The following NKAIN2 variants were observed in gnomAD, a reference collection of about 807,000 sequenced individuals.
NKAIN2 encodes the protein sodium/potassium-transporting ATPase subunit beta-1-interacting protein 2.
NKAIN2 carries 14 observed loss-of-function variants against 32.6 expected under a neutral mutation model. The observed-to-expected ratio is 0.43, with a 90% confidence interval of 0.28 to 0.67. The LOEUF is 0.67. NKAIN2 is among the 30% of genes least tolerant of loss of function. NKAIN2 has a pLI of 0.17. For missense variants in NKAIN2, 198 were observed against 258.3 expected, an observed-to-expected ratio of 0.77 and a Z score of 1.60; for synonymous variants, 80 against 87.2, an observed-to-expected ratio of 0.92 and a Z score of 0.46.
Position 123,864,695 on chromosome 6 carries a change from G to A in NKAIN2, c.54+60441G>A, listed in dbSNP as rs1163346357. Among the ~76,000 whole-genome samples, 5 of 152,240 alleles carry A rather than the reference G, an allele frequency of 3.3e-5. No individual in the cohort carries two copies. The East Asian group carries it at 9.7e-4, about 29-fold the overall frequency. ...GGGCAGAGGGAACAATAAATGCAAA[G>A]CCCTGAGGTAGAAGTGAGCTTGGCT... On this transcript the variant is annotated intron_variant, in intron 1 of 6. Transcript: ENST00000368417.
intron 5 of NKAIN2, among the ~76,000 whole-genome samples, chr6:124,814,159 C>T (rs1781038454): frequency 6.6e-6 from 1 of 152,154 alleles, no homozygotes; most frequent in South Asian, 2.1e-4. Flanking sequence ...TGAGAAGAAT[C>T]AAGTCTCTCT....
chr6:124,243,620 C>T (rs1793228792), intron 1 of NKAIN2, among the ~76,000 whole-genome samples: 1 of 152,046 alleles, frequency 6.6e-6, no homozygotes, highest in African/African-American at 2.4e-5. Flanking sequence ...TTGTTGGTAA[C>T]TATGGCCTTC....
At chr6:124,417,382 G>A (rs1420568673) in intron 3 of NKAIN2, among the ~76,000 whole-genome samples, 2 of 152,128 alleles carry the variant, frequency 1.3e-5, no homozygotes, top group African/African-American at 4.8e-5. Context: ...AAGAATAAGT[G>A]TAGTTGAAGA....
chr6:124,437,530 TTTCTCTCCTGC>T (rs1775501963), intron 3 of NKAIN2, among the ~76,000 whole-genome samples: 1 of 152,184 alleles, frequency 6.6e-6, no homozygotes, highest in African/African-American at 2.4e-5. Flanking sequence ...ATTCTTTCTC[TTTCTCTCCTGC>T]TTCTCTTTCT....
intron 3 of NKAIN2, among the ~76,000 whole-genome samples, chr6:124,445,983 G>T (rs1775875507): frequency 6.6e-6 from 1 of 152,076 alleles, no homozygotes; most frequent in Admixed American, 6.5e-5. Context: ...CATTCAATTT[G>T]TGTGCCTTCA....
intron 1 of NKAIN2, among the ~76,000 whole-genome samples, chr6:124,011,775 A>G (rs1177333103): frequency 6.6e-6 from 1 of 152,174 alleles, no homozygotes; most frequent in Non-Finnish European, 1.5e-5. Flanking sequence ...TTTTAATTCA[A>G]GAACTGTTGT....
At chr6:124,608,936 T>G (rs1291253019) in intron 3 of NKAIN2, among the ~76,000 whole-genome samples, 3 of 152,194 alleles carry the variant, frequency 2.0e-5, no homozygotes, top group Non-Finnish European at 2.9e-5. Context: ...TATGTATCCA[T>G]GAAGGTTTGT....
At chr6:124,047,310 G>A (rs1446047366) in intron 1 of NKAIN2, among the ~76,000 whole-genome samples, 1 of 151,938 alleles carries the variant, frequency 6.6e-6, no homozygotes, top group Non-Finnish European at 1.5e-5. Context: ...AACTATTTAG[G>A]TAATCTGCAA....
chr6:124,462,384 G>A (rs1776566770), intron 3 of NKAIN2, among the ~76,000 whole-genome samples: 1 of 151,872 alleles, frequency 6.6e-6, no homozygotes, highest in South Asian at 2.1e-4. Flanking sequence ...TTAAATATTA[G>A]TACAAAAATA....
intron 1 of NKAIN2, among the ~76,000 whole-genome samples, chr6:124,148,468 A>C (rs1044361711): frequency 2.0e-5 from 3 of 152,172 alleles, no homozygotes; most frequent in South Asian, 2.1e-4. Flanking sequence ...ACATTTGCCT[A>C]TCTGGACATT....
rs144423036 is a variant in NKAIN2, at chr6:123,921,534, T to C, written c.54+117280T>C. Among the ~76,000 whole-genome samples the C allele has an allele frequency of 4.3e-3, 658 of 152,320 alleles. 4 individuals carry two copies. The highest frequency in any genetic ancestry group is 0.015 in the African/African-American group (628 of 41,584). The stretch of plus-strand genomic sequence containing the variant: ...TTCCATATGAAATTCCTTCAAATAT[T>C]GGAAGTCCTGTAGTCCTGAAGTTGT... On this transcript the variant is annotated intron_variant, in intron 1 of 6. Coordinates refer to ENST00000368417, the MANE Select transcript of NKAIN2 (RefSeq NM_001040214.3).
At chr6:124,274,167 A>G (rs1380730680) in intron 1 of NKAIN2, among the ~76,000 whole-genome samples, 3 of 152,200 alleles carry the variant, frequency 2.0e-5, no homozygotes, top group Non-Finnish European at 4.4e-5. Flanking sequence ...CAGTATTATT[A>G]TTCTATTAAC....
intron 1 of NKAIN2, among the ~76,000 whole-genome samples, chr6:123,979,594 A>G (rs1031070522): frequency 1.3e-5 from 2 of 152,162 alleles, no homozygotes; most frequent in African/African-American, 4.8e-5. Flanking sequence ...TCGATTTAAG[A>G]AGACCCGCAC....
At chr6:124,176,447 A>G (rs1036589068) in intron 1 of NKAIN2, among the ~76,000 whole-genome samples, 1 of 152,094 alleles carries the variant, frequency 6.6e-6, no homozygotes, top group Non-Finnish European at 1.5e-5. Context: ...AGATTGTTTT[A>G]TTTTGCCTTT....
chr6:124,285,278 A>G (rs1795486178), intron 2 of NKAIN2, among the ~76,000 whole-genome samples: 1 of 152,054 alleles, frequency 6.6e-6, no homozygotes, highest in Non-Finnish European at 1.5e-5. Context: ...ATATCCTCTA[A>G]ATTCTGCTTG....
chr6:124,347,437 C>G (rs963894885), intron 2 of NKAIN2, among the ~76,000 whole-genome samples: 7 of 152,176 alleles, frequency 4.6e-5, no homozygotes, highest in Admixed American at 1.3e-4. Flanking sequence ...TGTTTTCCAA[C>G]TTGGTTCCAT....
intron 1 of NKAIN2, among the ~76,000 whole-genome samples, chr6:123,824,397 C>T (rs958511967): frequency 2.6e-5 from 4 of 152,096 alleles, no homozygotes; most frequent in Non-Finnish European, 4.4e-5. Context: ...CTGGGAGCTA[C>T]ACTGGTGGCA....
chr6:124,013,885 G>T (rs1780449934), intron 1 of NKAIN2, among the ~76,000 whole-genome samples: 2 of 152,154 alleles, frequency 1.3e-5, no homozygotes, highest in South Asian at 4.1e-4. Context: ...GTGGCTTTTG[G>T]AAGCAGGAAA....
chr6:124,216,646 A>C (rs1434264143), intron 1 of NKAIN2, among the ~76,000 whole-genome samples: 1 of 152,222 alleles, frequency 6.6e-6, no homozygotes. Context: ...CAAGAAGGCT[A>C]TGATGAGCCT....
Sources: allele counts gnomAD v4.1 joint callset (sites outside exome capture counted in the v4.1 genomes callset), GRCh38; gene constraint gnomAD v4.1.1; transcripts MANE v1.5; gene names NCBI Gene and HGNC (gene_info 2026-07-23, HGNC 2026-07-21).